The following PSEN1 variants were observed in gnomAD, a reference collection of about 807,000 sequenced individuals.
The protein encoded by PSEN1 is presenilin 1.
In PSEN1, 15 loss-of-function variants were observed where a neutral mutation model predicts 53.5. The observed-to-expected ratio is 0.28, with a 90% CI of 0.19 to 0.43. The LOEUF is 0.43. PSEN1 is among the 20% of genes least tolerant of loss of function. The probability of loss-of-function intolerance (pLI) is 1.00; values close to 1 mark genes in which losing one functional copy is unlikely to be tolerated. For missense variants in PSEN1, 387 were observed against 571.2 expected, an observed-to-expected ratio of 0.68 and a Z score of 3.29; for synonymous variants, 208 against 209.8, an observed-to-expected ratio of 0.99 and a Z score of 0.08.
intron 8 of PSEN1, among the ~76,000 whole-genome samples, chr14:73,203,370 G>T (rs1566648910): frequency 6.6e-6 from 1 of 152,160 alleles, no homozygotes; most frequent in Non-Finnish European, 1.5e-5. Flanking sequence ...TTACAGGCAT[G>T]AGCCACCGCA....
At chr14:73,165,904 A>G (rs1262650017) in intron 3 of PSEN1, among the ~76,000 whole-genome samples, 2 of 151,820 alleles carry the variant, frequency 1.3e-5, no homozygotes, top group Admixed American at 6.6e-5. Context: ...AAAAATACAA[A>G]CATTAAGCCG....
rs536945572 is a variant in PSEN1 at position 73,150,938 on chromosome 14, C to T, written c.87+2832C>T. 7.3e-5 allele frequency among the ~76,000 whole-genome samples: 11 copies of T among 151,590 alleles called. No individual in the cohort carries two copies. In the South Asian group the frequency reaches 1.0e-3, roughly 14 times the overall value. ...CAAAAATTAGCTGGGCGTGGTGACA[C>T]GCGCCTGTAGTCCCAGCTACTTGGG... On this transcript the variant is annotated intron_variant, in intron 3 of 11. Coordinates refer to ENST00000324501, the MANE Select transcript of PSEN1 (RefSeq NM_000021.4).
chr14:73,185,134 G>A (rs1480390198), intron 5 of PSEN1, among the ~76,000 whole-genome samples: 1 of 151,552 alleles, frequency 6.6e-6, no homozygotes, highest in Non-Finnish European at 1.5e-5. Context: ...GGGCAGCCAG[G>A]CAGAGGGGCT....
intron 3 of PSEN1, chr14:73,168,572 T>G (rs958090358): frequency 3.9e-5 from 6 of 152,172 alleles, no homozygotes; most frequent in African/African-American, 1.4e-4. Context: ...CTTCAGATGG[T>G]GCAGCTTTGG....
intron 5 of PSEN1, among the ~76,000 whole-genome samples, chr14:73,183,512 C>G (rs1050300581): frequency 6.6e-6 from 1 of 152,122 alleles, no homozygotes; most frequent in African/African-American, 2.4e-5. Flanking sequence ...AACGAGCATG[C>G]TGCCTTCAAG....
Position 73,151,878 on chromosome 14 carries a change from T to TTATATATATATATA in PSEN1, c.87+3776_87+3789dup, listed in dbSNP as rs768963474. Among the ~76,000 whole-genome samples the TTATATATATATATA allele has an allele frequency of 6.1e-4, 35 of 56,930 alleles. 1 individual carries two copies. Among genetic ancestry groups the TTATATATATATATA allele is most frequent in the African/African-American group, 3.1e-3 (34 of 10,976 alleles). 37.3% of individuals were successfully genotyped at this position (56,930 alleles called of 152,430 possible). A position where few individuals can be genotyped will look rare whatever the true frequency, so the allele number is the denominator to read the frequency against. On this transcript the variant is annotated intron_variant, in intron 3 of 11. Transcript: ENST00000324501. ...GCTACTGCGCCCAACCTAAAATATT[T>TTATATATATATATA]TATATATATATATATATTTTTTTTT...
intron 6 of PSEN1, among the ~76,000 whole-genome samples, chr14:73,191,717 T>A (rs554298277): frequency 9.2e-5 from 14 of 152,248 alleles, no homozygotes; most frequent in African/African-American, 1.9e-4. Context: ...TAGCTAATTT[T>A]AAAATTTTTT....
At chr14:73,199,501 G>A (rs1899090795) in intron 8 of PSEN1, among the ~76,000 whole-genome samples, 1 of 152,158 alleles carries the variant, frequency 6.6e-6, no homozygotes, top group South Asian at 2.1e-4. Flanking sequence ...GATATTCAGT[G>A]GTGGGTATCC....
rs1246766558 is a variant in PSEN1 at position 73,198,026 on chromosome 14, T to G, written c.770-5T>G. On this transcript the variant is annotated splice_polypyrimidine_tract_variant and splice_region_variant and intron_variant, in intron 7 of 11. Coordinates refer to ENST00000324501, the MANE Select transcript of PSEN1 (RefSeq NM_000021.4). ...TAGATGTCTTTTATGTTTTTCTTTTTCTAGATTTAGTGGCTGTTTTGTGTC... is the reference window on the plus strand; with the variant it reads ...TAGATGTCTTTTATGTTTTTCTTTTGCTAGATTTAGTGGCTGTTTTGTGTC... 1 of 1,564,978 alleles carries G rather than the reference T, an allele frequency of 6.4e-7. No individual in the cohort carries two copies. The highest frequency in any genetic ancestry group is 8.8e-7 in the Non-Finnish European group (1 of 1,136,294).
intron 10 of PSEN1, among the ~76,000 whole-genome samples, chr14:73,212,504 C>A (rs115546755): frequency 1.3e-5 from 2 of 151,262 alleles, no homozygotes; most frequent in East Asian, 3.9e-4. Flanking sequence ...TTCCAGTAAG[C>A]CTTCATGGCC....
intron 8 of PSEN1, among the ~76,000 whole-genome samples, chr14:73,202,040 C>T (rs777452039): frequency 6.6e-5 from 10 of 151,762 alleles, no homozygotes; most frequent in Admixed American, 2.0e-4. Flanking sequence ...AGCCACTGCA[C>T]CCGACCTGTT....
chr14:73,140,764 TTC>T (rs1896903141), intron 1 of PSEN1, among the ~76,000 whole-genome samples: 1 of 152,204 alleles, frequency 6.6e-6, no homozygotes, highest in Non-Finnish European at 1.5e-5. Flanking sequence ...GGACTTGCGA[TTC>T]TAAGTCTTTG....
intron 1 of PSEN1, among the ~76,000 whole-genome samples, chr14:73,140,766 C>G (rs1014742482): frequency 2.6e-5 from 4 of 152,232 alleles, no homozygotes; most frequent in African/African-American, 9.6e-5. Context: ...ACTTGCGATT[C>G]TAAGTCTTTG....
chr14:73,205,478 CAA>C (rs34992040), intron 8 of PSEN1, among the ~76,000 whole-genome samples: 22 of 64,660 alleles, frequency 3.4e-4, no homozygotes, highest in Non-Finnish European at 3.3e-4. Flanking sequence ...GACTCTGTCT[CAA>C]AAAAAAAAAA....
rs1897953430 is a variant in PSEN1 at position 73,173,563 on chromosome 14, T to C, written c.339-3T>C. ...TAGGGCTTTTGTGTTTGTTTTATTG[T>C]AGAATCTATACCCCATTCACAGAAG... is the stretch of plus-strand genomic sequence containing the variant. On this transcript the variant is annotated splice_polypyrimidine_tract_variant and splice_region_variant and intron_variant, in intron 4 of 11. Transcript: ENST00000324501. 6.2e-7 allele frequency: 1 copy of C among 1,614,076 alleles called. No individual in the cohort carries two copies. The highest frequency in any genetic ancestry group is 8.5e-7 in the Non-Finnish European group (1 of 1,179,894).
intron 1 of PSEN1, among the ~76,000 whole-genome samples, chr14:73,144,170 A>C (rs1046473205): frequency 6.7e-6 from 1 of 150,314 alleles, no homozygotes; most frequent in Non-Finnish European, 1.5e-5. Context: ...CCTCCCGAGT[A>C]GCTGGGACTA....
chr14:73,188,144 G>T (rs1898582883), intron 6 of PSEN1, among the ~76,000 whole-genome samples: 1 of 152,048 alleles, frequency 6.6e-6, no homozygotes, highest in South Asian at 2.1e-4. Context: ...GGCCAGGATG[G>T]TCTCGATCTC....
At chr14:73,190,138 T>G (rs1375677405) in intron 6 of PSEN1, 1 of 152,218 alleles carries the variant, frequency 6.6e-6, no homozygotes, top group Non-Finnish European at 1.5e-5. Flanking sequence ...AATAGATATT[T>G]TAAGTGAATA....
intron 10 of PSEN1, among the ~76,000 whole-genome samples, chr14:73,216,881 T>C (rs1899938867): frequency 6.6e-6 from 1 of 152,208 alleles, no homozygotes; most frequent in Non-Finnish European, 1.5e-5. Flanking sequence ...TTATTACTTA[T>C]TATTGTTATT....
Sources: gnomAD v4.1 joint callset for allele counts (sites outside exome capture counted in the v4.1 genomes callset) on GRCh38, gnomAD v4.1.1 for gene constraint, MANE v1.5 for transcripts, NCBI Gene and HGNC (gene_info 2026-07-23, HGNC 2026-07-21) for gene names.